Variants in FANCB observed in about 807,000 individuals in gnomAD.
The protein encoded by FANCB is Fanconi anemia group B protein.
Under a neutral mutation model 38.9 loss-of-function variants are expected in FANCB, and 5 were observed. The ratio of observed to expected loss-of-function variants is 0.13; its 90% CI spans 0.07 to 0.27. The LOEUF is 0.27. Ranked by LOEUF, FANCB falls within the 10% of genes least tolerant of loss-of-function variation. The pLI is 1.00. For missense variants in FANCB, 573 were observed against 602.7 expected, an observed-to-expected ratio of 0.95 and a Z score of 0.52; for synonymous variants, 236 against 215.4, an observed-to-expected ratio of 1.10 and a Z score of -0.84.
chrX:14,812,540 T>C, the FANCB span, among the ~76,000 whole-genome samples: 388 of 111,928 alleles, frequency 3.5e-3, 2 homozygotes, highest in African/African-American at 0.012. Context: ...CAAACACCTC[T>C]ACACAAATAA....
downstream of FANCB, among the ~76,000 whole-genome samples, chrX:14,835,669 G>A (rs1162645520): frequency 9.0e-6 from 1 of 111,672 alleles, no homozygotes; most frequent in Admixed American, 9.5e-5. Flanking sequence ...AAAAAAAAGT[G>A]ACTGAACTGG....
chrX:14,800,706 A>G, the FANCB span, among the ~76,000 whole-genome samples: 1 of 111,614 alleles, frequency 9.0e-6, no homozygotes, highest in African/African-American at 3.3e-5. Flanking sequence ...AAACATTTTA[A>G]TAAACATTAG....
At chrX:14,871,905 C>T (rs2092499750) in intron 1 of FANCB, among the ~76,000 whole-genome samples, 1 of 109,529 alleles carries the variant, frequency 9.1e-6, no homozygotes, top group Admixed American at 9.8e-5. Context: ...TCACAACATC[C>T]TTATGACATA....
chrX:14,838,307 A>G (rs2092346228), intron 10 of FANCB, among the ~76,000 whole-genome samples: 1 of 112,165 alleles, frequency 8.9e-6, no homozygotes. Flanking sequence ...CCTACTATTT[A>G]TATTTACTGG....
intron 3 of FANCB, among the ~76,000 whole-genome samples, chrX:14,861,493 G>A (rs2092446709): frequency 9.0e-6 from 1 of 111,198 alleles, no homozygotes; most frequent in African/African-American, 3.3e-5. Flanking sequence ...TGGATGGATG[G>A]ATCCATAGCC....
chrX:14,842,680 A>C (rs1363309234), downstream of FANCB, among the ~76,000 whole-genome samples: 2 of 112,145 alleles, frequency 1.8e-5, no homozygotes, highest in Non-Finnish European at 3.8e-5. Context: ...TCAGTCCCTA[A>C]GGAGTGCCAT....
At chrX:14,844,437 A>C in intron 9 of FANCB, 66 bp downstream of exon 9, 1 of 790,744 alleles carries the variant, frequency 1.3e-6, no homozygotes, top group Non-Finnish European at 2.0e-6. Context: ...TCGCTGTTGA[A>C]CCACACATTG....
chrX:14,807,992 C>T, the FANCB span, among the ~76,000 whole-genome samples: 1 of 111,687 alleles, frequency 9.0e-6, no homozygotes, highest in African/African-American at 3.3e-5. Context: ...TTCCTAGACA[C>T]ATACAACCTA....
chrX:14,727,567 G>GAGTA, the FANCB span, among the ~76,000 whole-genome samples: 1 of 112,181 alleles, frequency 8.9e-6, no homozygotes, highest in African/African-American at 3.2e-5. Context: ...GCTAAGCACT[G>GAGTA]AGTAAGTCTT....
At chrX:14,718,888 A>T in the FANCB span, among the ~76,000 whole-genome samples, 1 of 111,903 alleles carries the variant, frequency 8.9e-6, no homozygotes, top group East Asian at 2.8e-4. Context: ...TATTACTTAC[A>T]AGCAAACATA....
chrX:14,773,286 A>G, the FANCB span, among the ~76,000 whole-genome samples: 1 of 112,709 alleles, frequency 8.9e-6, no homozygotes, highest in South Asian at 3.6e-4. Flanking sequence ...GGATGCATGC[A>G]TGCCTTGCAC....
At chrX:14,827,926 G>C in the FANCB span, among the ~76,000 whole-genome samples, 5 of 111,193 alleles carry the variant, frequency 4.5e-5, no homozygotes, top group African/African-American at 1.6e-4. Context: ...AAGACATTTT[G>C]GGTTCAGTTC....
At chrX:14,732,668 C>T in the FANCB span, among the ~76,000 whole-genome samples, 1 of 112,275 alleles carries the variant, frequency 8.9e-6, no homozygotes, top group Non-Finnish European at 1.9e-5. Context: ...TTGTTGGCCA[C>T]ATAAATATCT....
chrX:14,750,128 A>G, the FANCB span, among the ~76,000 whole-genome samples: 1 of 112,288 alleles, frequency 8.9e-6, no homozygotes, highest in Non-Finnish European at 1.9e-5. Flanking sequence ...CAGAGCATTC[A>G]ATTCCTATGA....
At chrX:14,752,965 TCTC>T in the FANCB span, among the ~76,000 whole-genome samples, 8 of 93,431 alleles carry the variant, frequency 8.6e-5, no homozygotes, top group African/African-American at 2.9e-4. Flanking sequence ...TGGCTCTCTC[TCTC>T]TCTCTCTCTC....
the FANCB span, among the ~76,000 whole-genome samples, chrX:14,810,987 C>T: frequency 1.8e-5 from 2 of 111,833 alleles, no homozygotes; most frequent in African/African-American, 6.5e-5. Flanking sequence ...ACTCTACAAG[C>T]CAGAAGAAAG....
chrX:14,819,166 C>A, the FANCB span, among the ~76,000 whole-genome samples: 1 of 111,857 alleles, frequency 8.9e-6, no homozygotes, highest in African/African-American at 3.3e-5. Flanking sequence ...TTAGGCAGCT[C>A]AGGTCTAGAA....
the FANCB span, chrX:14,690,819 A>G: frequency 8.3e-7 from 1 of 1,204,527 alleles, no homozygotes; most frequent in Non-Finnish European, 1.1e-6. Context: ...CAACACAAGG[A>G]GTTCCTGCGC....
At chrX:14,794,992 G>C in the FANCB span, among the ~76,000 whole-genome samples, 2 of 112,065 alleles carry the variant, frequency 1.8e-5, no homozygotes, top group Admixed American at 9.5e-5. Context: ...ATGCCTTTTT[G>C]ACTCTACAGA....
Sources: allele counts gnomAD v4.1 joint callset (sites outside exome capture counted in the v4.1 genomes callset), GRCh38; gene constraint gnomAD v4.1.1; transcripts MANE v1.5; gene names NCBI Gene and HGNC (gene_info 2026-07-23, HGNC 2026-07-21).